CNOT4: variants seen among roughly 807,000 people sequenced by gnomAD.
The protein encoded by CNOT4 is CCR4-associated factor 4.
CNOT4 carries 8 observed loss-of-function variants against 73.8 expected under a neutral mutation model. The ratio of observed to expected loss-of-function variants is 0.11; its 90% CI spans 0.06 to 0.20. The LOEUF is 0.20. Among genes scored for constraint, CNOT4 ranks in the 10% least tolerant of loss-of-function variants. The pLI is 1.00. For missense variants in CNOT4, 564 were observed against 883.4 expected (o/e 0.64, Z 4.58); for synonymous variants, 293 against 321.1 (o/e 0.91, Z 0.94).
intron 1 of CNOT4, among the ~76,000 whole-genome samples, chr7:135,502,484 T>A (rs1169718301): frequency 6.6e-6 from 1 of 152,176 alleles, no homozygotes; most frequent in African/African-American, 2.4e-5. Context: ...TCTGCCAAAT[T>A]TTCCAAGAAG....
intron 1 of CNOT4, among the ~76,000 whole-genome samples, chr7:135,463,945 T>C (rs1444934446): frequency 4.9e-5 from 7 of 143,404 alleles, no homozygotes; most frequent in African/African-American, 7.9e-5. Context: ...CTCAATATCA[T>C]TGATCATTAG....
chr7:135,501,329 T>C (rs1490026422), intron 1 of CNOT4, among the ~76,000 whole-genome samples: 2 of 152,120 alleles, frequency 1.3e-5, no homozygotes, highest in Non-Finnish European at 2.9e-5. Context: ...CATCTATCAC[T>C]TTCTTCGCAA....
chr7:135,476,255 G>A (rs1449554270), intron 1 of CNOT4, among the ~76,000 whole-genome samples: 6 of 152,086 alleles, frequency 3.9e-5, no homozygotes, highest in African/African-American at 1.4e-4. Context: ...CATGAGAAAG[G>A]AAGAGGACAC....
intron 2 of CNOT4, among the ~76,000 whole-genome samples, chr7:135,430,982 A>G (rs1798794939): frequency 6.6e-6 from 1 of 152,224 alleles, no homozygotes; most frequent in Non-Finnish European, 1.5e-5. Context: ...AAAAACACAG[A>G]GCCAGGTGCA....
Position 135,362,782 on chromosome 7 carries a change from C to A in CNOT4, c.*103G>T. ...AAAAAAATTGATCAGGTACTGGATT[C>A]TTCAGAACATAAGAGATGAGAAGGG... On this transcript the variant is annotated 3_prime_UTR_variant, in exon 12 of 12. Coordinates refer to ENST00000541284, the MANE Select transcript of CNOT4 (RefSeq NM_001190850.2). 1 of 1,102,220 alleles carries A rather than the reference C, an allele frequency of 9.1e-7. No individual in the cohort carries two copies. The highest frequency in any genetic ancestry group is 1.4e-6 in the Non-Finnish European group (1 of 716,052). 68.3% of individuals were successfully genotyped at this position (1,102,220 alleles called of 1,614,324 possible).
intron 10 of CNOT4, chr7:135,384,421 GC>G (rs1380396332): frequency 2.6e-6 from 1 of 386,106 alleles, no homozygotes; most frequent in African/African-American, 2.1e-5. Flanking sequence ...AGTAGCTGGG[GC>G]TACAGGTGCC....
At chr7:135,369,705 G>A (rs183760103) in intron 10 of CNOT4, among the ~76,000 whole-genome samples, 63 of 152,230 alleles carry the variant, frequency 4.1e-4, no homozygotes, top group African/African-American at 1.2e-3. Context: ...ATTTTTAGAA[G>A]GACATAGGGA....
chr7:135,421,103 A>T (rs1037249180), intron 3 of CNOT4, among the ~76,000 whole-genome samples: 6 of 152,276 alleles, frequency 3.9e-5, no homozygotes, highest in African/African-American at 1.4e-4. Flanking sequence ...CGCGGGGTCA[A>T]AATCATTTCG....
chr7:135,471,646 T>C (rs1801582054), intron 1 of CNOT4, among the ~76,000 whole-genome samples: 1 of 152,256 alleles, frequency 6.6e-6, no homozygotes, highest in Non-Finnish European at 1.5e-5. Flanking sequence ...ATTATTGTCT[T>C]TTATCAGCTG....
chr7:135,429,922 T>C (rs1427707154), intron 2 of CNOT4, among the ~76,000 whole-genome samples: 1 of 152,142 alleles, frequency 6.6e-6, no homozygotes, highest in East Asian at 1.9e-4. Context: ...TGATAAAAAT[T>C]AGAAGAGGCT....
At chr7:135,436,406 A>G (rs556970123) in intron 2 of CNOT4, among the ~76,000 whole-genome samples, 1 of 152,046 alleles carries the variant, frequency 6.6e-6, no homozygotes, top group South Asian at 2.1e-4. Context: ...CAAATTTACA[A>G]TCCTTAGAGT....
At chr7:135,444,939 T>A (rs1483024884) in intron 1 of CNOT4, 2 of 1,580,378 alleles carry the variant, frequency 1.3e-6, no homozygotes, top group Non-Finnish European at 1.7e-6. Context: ...CTGACCTTTT[T>A]GACTTCATAC....
At chr7:135,448,619 AC>A (rs1199034224) in intron 1 of CNOT4, among the ~76,000 whole-genome samples, 1 of 152,116 alleles carries the variant, frequency 6.6e-6, no homozygotes, top group Non-Finnish European at 1.5e-5. Flanking sequence ...AAAGGACACT[AC>A]CTGCAAGAGC....
Position 135,474,276 on chromosome 7 carries a change from ATTTTTTT to A in CNOT4, c.-93+35606_-93+35612del, listed in dbSNP as rs869203152. The stretch of plus-strand genomic sequence containing the variant: ...TACAGGCATGAGCCACTGTGCCCAA[ATTTTTTT>A]TTTTTTTTTTTTTTTTTTTGAGACA... On this transcript the variant is annotated intron_variant, in intron 1 of 11. Transcript: ENST00000541284. Among the ~76,000 whole-genome samples, 23 of 87,998 alleles carry A rather than the reference ATTTTTTT, an allele frequency of 2.6e-4. 1 individual carries two copies. In the South Asian group the frequency reaches 3.0e-3, roughly 11 times the overall value. 57.7% of individuals were successfully genotyped at this position (87,998 alleles called of 152,430 possible).
chr7:135,481,945 GA>G (rs1257709856), intron 1 of CNOT4, among the ~76,000 whole-genome samples: 1 of 152,116 alleles, frequency 6.6e-6, no homozygotes, highest in African/African-American at 2.4e-5. Context: ...GGGTGGGTGA[GA>G]GGGGATAAAG....
intron 8 of CNOT4, among the ~76,000 whole-genome samples, chr7:135,397,671 GCACTC>G (rs756396814): frequency 6.6e-6 from 1 of 151,510 alleles, no homozygotes; most frequent in Admixed American, 6.6e-5. Flanking sequence ...CTAACGGTCA[GCACTC>G]CACTCAGTTT....
At chr7:135,429,378 T>C (rs1798690359) in intron 2 of CNOT4, among the ~76,000 whole-genome samples, 1 of 152,164 alleles carries the variant, frequency 6.6e-6, no homozygotes, top group Non-Finnish European at 1.5e-5. Flanking sequence ...CAGTCCCCCA[T>C]TTTCCCTCCT....
chr7:135,362,052 G>A lies in CNOT4; in HGVS notation c.*833C>T, dbSNP rs1028583225. The A allele has an allele frequency of 2.6e-5, 4 of 152,692 alleles. No homozygotes were observed. The highest frequency in any genetic ancestry group is 9.7e-5 in the African/African-American group (4 of 41,424). The allele number at this position is 152,692 out of a possible 1,614,324, so 9.5% of individuals were successfully genotyped here. On this transcript the variant is annotated 3_prime_UTR_variant, in exon 12 of 12. Coordinates refer to ENST00000541284, the MANE Select transcript of CNOT4 (RefSeq NM_001190850.2). ...CTATCTCAGAGTGCCCTCGTCAGGT[G>A]AATTTATGGTAAAACAAAAAAGATT...
In CNOT4 at chr7:135,364,060, C is replaced by T; in HGVS notation, c.1634G>A (p.Ser545Asn). Residue 545 changes from serine to asparagine, a missense_variant, in exon 11 of 12, where the codon AGC becomes AAC. Ser to Asn is a conservative substitution (Grantham distance 46). Transcript: ENST00000541284. This position sits in a 1 kb window ranked among gnomAD's most constrained non-coding sequence, Gnocchi z 4.3. ...GLGGIPVADN[S>N]SSVESLNMKE... is the part of the protein sequence containing the mutation. ...CATATTTAAACTCTCTACAGAACTG[C>T]TGTTGTCTGGGAGATTTACCAACAA... 1 of 1,580,214 alleles carries T rather than the reference C, an allele frequency of 6.3e-7. No individual in the cohort carries two copies.
Sources: gnomAD v4.1 joint callset for allele counts (sites outside exome capture counted in the v4.1 genomes callset) on GRCh38, gnomAD v4.1.1 for gene constraint, Gnocchi (gnomAD v3.1) non-coding constraint, MANE v1.5 for transcripts, NCBI Gene and HGNC (gene_info 2026-07-23, HGNC 2026-07-21) for gene names.